The following SPAG5 variants were observed in gnomAD, a reference collection of about 807,000 sequenced individuals.
The protein encoded by SPAG5 is sperm-associated antigen 5.
In SPAG5, 99 loss-of-function variants were observed where a neutral mutation model predicts 145.4. That is an observed-to-expected ratio of 0.68 (90% CI 0.58 to 0.80). The LOEUF is 0.80. Among genes scored for constraint, SPAG5 ranks in the 30% least tolerant of loss-of-function variants. SPAG5 has a pLI of 0.00. For synonymous variants in SPAG5, 477 were observed against 525.4 expected (o/e 0.91, Z 1.26); for missense variants, 1,192 against 1,416.0 (o/e 0.84, Z 2.54).
intron 2 of SPAG5, 185 bp downstream of exon 2, chr17:28,598,316 GATTCAAGTT>G (rs1444152793): frequency 1.8e-6 from 1 of 567,418 alleles, no homozygotes; most frequent in Non-Finnish European, 3.0e-6. Flanking sequence ...GCTAAACAGA[GATTCAAGTT>G]CTCACTGGAT....
chr17:28,598,884 T>C lies in SPAG5; in HGVS notation c.51+12A>G. On this transcript the variant is annotated intron_variant, in intron 1 of 23. Transcript: ENST00000321765. Reference sequence around the variant, plus strand: ...CCGGCCCAGTTCTCTCCGCCAGAGATCTCCCGCTTACCGTCTGGGGCGAAG... The same window carrying C: ...CCGGCCCAGTTCTCTCCGCCAGAGACCTCCCGCTTACCGTCTGGGGCGAAG... 1 of 1,613,796 alleles carries C rather than the reference T, an allele frequency of 6.2e-7. No homozygotes were observed. The highest frequency in any genetic ancestry group is 1.7e-5 in the Admixed American group (1 of 60,004).
At chr17:28,591,943 A>G (rs1182083966) in intron 3 of SPAG5, 39 bp downstream of exon 3, 1 of 1,610,844 alleles carries the variant, frequency 6.2e-7, no homozygotes, top group Admixed American at 1.7e-5. Flanking sequence ...GGTCCAGGGT[A>G]ATGGAACTCA....
chr17:28,585,075 TA>T, intron 10 of SPAG5, 26 bp downstream of exon 10: 1 of 1,581,674 alleles, frequency 6.3e-7, no homozygotes, highest in Non-Finnish European at 8.7e-7. Flanking sequence ...AAACCAAGCC[TA>T]AGCAGTCCCC....
intron 15 of SPAG5, among the ~76,000 whole-genome samples, chr17:28,581,428 C>T (rs1026760099): frequency 1.3e-5 from 2 of 151,186 alleles, no homozygotes; most frequent in African/African-American, 2.4e-5. Context: ...CCTGGGACTC[C>T]GGGATGTGCC....
chr17:28,591,077 T>A (rs1204541836), intron 4 of SPAG5, among the ~76,000 whole-genome samples: 2 of 152,140 alleles, frequency 1.3e-5, no homozygotes, highest in African/African-American at 2.4e-5. Flanking sequence ...AAAATTATTT[T>A]AAAAAATGTT....
chr17:28,581,892 G>A (rs140232111), intron 15 of SPAG5, among the ~76,000 whole-genome samples: 4 of 152,280 alleles, frequency 2.6e-5, no homozygotes, highest in African/African-American at 4.8e-5. Context: ...GAGCTGACCC[G>A]GAGGTGTCAC....
chr17:28,587,988 C>T (rs2070597043), intron 4 of SPAG5, among the ~76,000 whole-genome samples: 1 of 152,152 alleles, frequency 6.6e-6, no homozygotes, highest in Admixed American at 6.5e-5. Context: ...ATCTCAAAGG[C>T]AGTAGAACCC....
rs567122837 is a variant in SPAG5, at chr17:28,580,022, T to G, written c.2784A>C (p.Ala928=). 2 of 1,613,676 alleles carry G rather than the reference T, an allele frequency of 1.2e-6. No homozygotes were observed. Among genetic ancestry groups the G allele is most frequent in the African/African-American group, 1.3e-5 (1 of 75,056 alleles). Residue 928 remains alanine, a synonymous_variant, in exon 16 of 24, where the codon GCA becomes GCC. Coordinates refer to ENST00000321765, the MANE Select transcript of SPAG5 (RefSeq NM_006461.4). ...AGGGCCTTTAACCTTCATCTGCCAC[T>G]GCTGTCAAGATGCTTCCCAGGAAGG... ...DRTFLGSILT[A]VADEEPESTP...
intron 4 of SPAG5, among the ~76,000 whole-genome samples, chr17:28,590,868 CAAAA>C (rs60727111): frequency 2.7e-5 from 1 of 37,420 alleles, no homozygotes; most frequent in Non-Finnish European, 4.9e-5. Flanking sequence ...GACTCCGTCT[CAAAA>C]AAAAAAAAAA....
At chr17:28,578,322 C>G in intron 21 of SPAG5, 30 bp from the exon 22 acceptor site, 2 of 1,614,082 alleles carry the variant, frequency 1.2e-6, no homozygotes, top group African/African-American at 2.7e-5. Flanking sequence ...AACAGGGGTA[C>G]AGCCTGGGGT....
At chr17:28,586,955 A>G (rs1456076860) in intron 4 of SPAG5, among the ~76,000 whole-genome samples, 3 of 152,048 alleles carry the variant, frequency 2.0e-5, no homozygotes, top group African/African-American at 7.2e-5. Context: ...AGGTCTTGCT[A>G]TGTTGCCCTG....
In SPAG5 at chr17:28,578,250, T is replaced by C; in HGVS notation, c.3397A>G (p.Lys1133Glu). The change falls in exon 22 of 24, where the codon AAG becomes GAG. Residue 1133 changes from lysine (K) to glutamate (E), a missense_variant. Coordinates refer to ENST00000321765, the MANE Select transcript of SPAG5 (RefSeq NM_006461.4). Reference protein sequence around the residue: ...RVMFLEMKNEKEKLMIKFQSH... With the variant: ...RVMFLEMKNEEEKLMIKFQSH... ...TGGAACTTGATCATGAGTTTTTCCT[T>C]CTCATTTTTCATCTCCAGGAACATC... The C allele has an allele frequency of 6.2e-7, 1 of 1,614,150 alleles. No homozygotes were observed. Among genetic ancestry groups the C allele is most frequent in the Non-Finnish European group, 8.5e-7 (1 of 1,180,026 alleles).
intron 4 of SPAG5, 135 bp downstream of exon 4, chr17:28,591,563 C>G (rs1597598012): frequency 1.2e-6 from 1 of 854,264 alleles, no homozygotes; most frequent in East Asian, 2.5e-5. Flanking sequence ...TTGTGACTGC[C>G]CAGATTCTCA....
chr17:28,598,894 A>T lies in SPAG5; in HGVS notation c.51+2T>A, dbSNP rs1295139333. 8 of 1,613,704 alleles carry T rather than the reference A, an allele frequency of 5.0e-6. No individual in the cohort carries two copies. Among genetic ancestry groups the T allele is most frequent in the Non-Finnish European group, 6.8e-6 (8 of 1,179,822 alleles). ...TCTCTCCGCCAGAGATCTCCCGCTTACCGTCTGGGGCGAAGGCGACAGGCT... is the reference window on the plus strand; with the variant it reads ...TCTCTCCGCCAGAGATCTCCCGCTTTCCGTCTGGGGCGAAGGCGACAGGCT... On this transcript the variant is annotated splice_donor_variant, in intron 1 of 23. Coordinates refer to ENST00000321765, the MANE Select transcript of SPAG5 (RefSeq NM_006461.4). LOFTEE classifies it high-confidence loss of function.
chr17:28,584,092 G>A (rs1252427386), intron 13 of SPAG5, 58 bp downstream of exon 13: 2 of 1,608,332 alleles, frequency 1.2e-6, no homozygotes, highest in Non-Finnish European at 1.7e-6. Context: ...AACACTATCA[G>A]GCAAGAATCA....
chr17:28,594,981 A>C (rs1031241698), intron 2 of SPAG5, among the ~76,000 whole-genome samples: 11 of 151,720 alleles, frequency 7.3e-5, no homozygotes, highest in African/African-American at 2.7e-4. Flanking sequence ...TAAAAAAGAC[A>C]GGGCATGGTG....
chr17:28,587,012 T>C (rs1017691991), intron 4 of SPAG5, among the ~76,000 whole-genome samples: 2 of 152,088 alleles, frequency 1.3e-5, no homozygotes, highest in African/African-American at 4.8e-5. Flanking sequence ...GCCTCGGACT[T>C]CCAAAGTGCT....
Position 28,592,565 on chromosome 17 carries a change from C to T in SPAG5, c.679G>A (p.Ala227Thr). 2 of 1,614,232 alleles carry T rather than the reference C, an allele frequency of 1.2e-6. No homozygotes were observed. Among genetic ancestry groups the T allele is most frequent in the East Asian group, 2.2e-5 (1 of 44,892 alleles). The change falls in exon 3 of 24, where the codon GCT (alanine) becomes ACT (threonine). Residue 227 changes from alanine to threonine, a missense_variant. Coordinates refer to ENST00000321765, the MANE Select transcript of SPAG5 (RefSeq NM_006461.4). ...GAAGGTACTAAGTCCTCACGCACAG[C>T]CTCAGTTCTACTGCTCAGGCTTTCC... The part of the protein sequence containing the change: ...SKESLSSRTE[A>T]VREDLVPSES...
chr17:28,578,049 C>G lies in SPAG5; in HGVS notation c.3471G>C (p.Glu1157Asp), dbSNP rs1189204238. The G allele has an allele frequency of 6.2e-7, 1 of 1,614,158 alleles. No individual in the cohort carries two copies. The highest frequency in any genetic ancestry group is 1.7e-5 in the Admixed American group (1 of 60,030). ...GAACAATGTCATCTAGTTTTTCTAACTCCTTGTCAGAGCGCCGAAGGTTCT... is the reference window on the plus strand; with the variant it reads ...GAACAATGTCATCTAGTTTTTCTAAGTCCTTGTCAGAGCGCCGAAGGTTCT... ...LEENLRRSDK[E>D]LEKLDDIVQH... Residue 1157 changes from glutamate (E) to aspartate (D), a missense_variant, in exon 23 of 24, where the codon GAG becomes GAC. Physicochemically the swap from Glu to Asp is conservative, Grantham distance 45 (BLOSUM62 2). Transcript: ENST00000321765.
Sources: gnomAD v4.1 joint callset for allele counts (sites outside exome capture counted in the v4.1 genomes callset) on GRCh38, gnomAD v4.1.1 for gene constraint, MANE v1.5 for transcripts, NCBI Gene and HGNC (gene_info 2026-07-23, HGNC 2026-07-21) for gene names.